Variants in VAT1L observed in about 807,000 individuals in gnomAD.
VAT1L encodes the protein putative NADPH-dependent quinone oxidoreductase VAT1L.
VAT1L carries 34 observed loss-of-function variants against 44.1 expected under a neutral mutation model. The observed-to-expected ratio is 0.77, with a 90% CI of 0.59 to 1.03. VAT1L has a LOEUF of 1.03. Ranked by LOEUF, VAT1L falls within the 50% of genes least tolerant of loss-of-function variation. The pLI is 0.00. For synonymous variants in VAT1L, 253 were observed against 202.2 expected (o/e 1.25, Z -2.13); for missense variants, 615 against 538.8 (o/e 1.14, Z -1.40).
chr16:77,935,292 G>C (rs1441389660), intron 7 of VAT1L, among the ~76,000 whole-genome samples: 3 of 152,154 alleles, frequency 2.0e-5, no homozygotes, highest in African/African-American at 7.2e-5. Context: ...ATGGAGTGCA[G>C]TTAAGAAATG....
At chr16:77,789,316 G>A (rs527564397) in intron 1 of VAT1L, among the ~76,000 whole-genome samples, 1 of 152,280 alleles carries the variant, frequency 6.6e-6, no homozygotes, top group Non-Finnish European at 1.5e-5. Flanking sequence ...GCCGTTGGTA[G>A]TTTTACACGT....
At chr16:77,867,322 TTAAA>T (rs2142446531) in intron 4 of VAT1L, among the ~76,000 whole-genome samples, 1 of 152,310 alleles carries the variant, frequency 6.6e-6, no homozygotes, top group African/African-American at 2.4e-5. Flanking sequence ...ATTGTACACT[TTAAA>T]TATGTACAGT....
At chr16:77,972,340 A>G (rs546705852) in intron 8 of VAT1L, among the ~76,000 whole-genome samples, 11 of 151,222 alleles carry the variant, frequency 7.3e-5, no homozygotes, top group African/African-American at 2.7e-4. Context: ...TTTCAGAGAG[A>G]GAGTCTTAAA....
At chr16:77,977,553 G>T in intron 8 of VAT1L, 44 bp from the exon 9 acceptor site, 2 of 1,593,702 alleles carry the variant, frequency 1.3e-6, no homozygotes, top group Non-Finnish European at 1.7e-6. Flanking sequence ...AGATGACGAG[G>T]CTGGGTTGCA....
At position 77,879,108 on chromosome 16, in the gene VAT1L, C is replaced by T; in HGVS notation, c.827-61C>T. ...CCAAACAATTGCCATTTTTTTCATG[C>T]ATAACAAGAGATGTCCATTTTCATT... On this transcript the variant is annotated intron_variant, in intron 5 of 8. Coordinates refer to ENST00000302536, the MANE Select transcript of VAT1L (RefSeq NM_020927.3). The surrounding 1 kb of genome is among the most constrained non-coding windows in gnomAD (Gnocchi z 4.1). 1.3e-6 allele frequency: 2 copies of T among 1,549,326 alleles called. No homozygotes were observed. Among genetic ancestry groups the T allele is most frequent in the Non-Finnish European group, 8.9e-7 (1 of 1,124,496 alleles).
chr16:77,832,508 G>A (rs1450587783), intron 3 of VAT1L, among the ~76,000 whole-genome samples: 5 of 152,150 alleles, frequency 3.3e-5, no homozygotes, highest in East Asian at 1.9e-4. Flanking sequence ...GATCTCTACC[G>A]GGCTCAGATG....
intron 1 of VAT1L, 32 bp downstream of exon 1, chr16:77,788,947 C>CT: frequency 6.9e-7 from 1 of 1,442,306 alleles, no homozygotes. Flanking sequence ...CGCTTTCTCT[C>CT]TTTTTGCGCG....
intron 7 of VAT1L, among the ~76,000 whole-genome samples, chr16:77,926,216 G>A (rs1227321639): frequency 6.9e-6 from 1 of 144,300 alleles, no homozygotes; most frequent in Admixed American, 7.2e-5. Flanking sequence ...TCGCACCACT[G>A]CACTCCAGTC....
At chr16:77,933,511 C>G (rs2017756048) in intron 7 of VAT1L, among the ~76,000 whole-genome samples, 2 of 151,898 alleles carry the variant, frequency 1.3e-5, no homozygotes, top group Admixed American at 6.6e-5. Flanking sequence ...AAATAACAAA[C>G]AAGAAAAATG....
intron 7 of VAT1L, among the ~76,000 whole-genome samples, chr16:77,944,383 G>A (rs1048399873): frequency 6.6e-6 from 1 of 152,142 alleles, no homozygotes; most frequent in Non-Finnish European, 1.5e-5. Flanking sequence ...CCCAGGCAGA[G>A]GTATAAAGAT....
intron 3 of VAT1L, among the ~76,000 whole-genome samples, chr16:77,853,151 C>G (rs1409451213): frequency 6.6e-6 from 1 of 152,192 alleles, no homozygotes; most frequent in Non-Finnish European, 1.5e-5. Flanking sequence ...AGAGCTGTGA[C>G]AGGCTAGGAA....
At chr16:77,854,858 G>C (rs1488093256) in intron 3 of VAT1L, among the ~76,000 whole-genome samples, 2 of 152,160 alleles carry the variant, frequency 1.3e-5, no homozygotes, top group Admixed American at 6.5e-5. Flanking sequence ...AGATGATCTT[G>C]AAAATGGTCA....
chr16:77,788,731 G>A lies in VAT1L; in HGVS notation c.49G>A (p.Glu17Lys), dbSNP rs1259091208. The change falls in exon 1 of 9, where the codon GAG (glutamate) becomes AAG (lysine). Residue 17 changes from glutamate to lysine, a missense_variant. Glu to Lys is a moderately conservative substitution (Grantham distance 56). Coordinates refer to ENST00000302536, the MANE Select transcript of VAT1L (RefSeq NM_020927.3). ...EKAEETEQMI[E>K]KEAGKEPAEG... ...GGCGGAGGAGACGGAGCAAATGATC[G>A]AGAAGGAGGCAGGCAAGGAGCCGGC... 6.4e-7 allele frequency: 1 copy of A among 1,558,838 alleles called. No individual in the cohort carries two copies. Among genetic ancestry groups the A allele is most frequent in the East Asian group, 2.4e-5 (1 of 42,366 alleles).
rs757487799 is a variant in VAT1L, at chr16:77,884,563, C to A, written c.883-45C>A. 3.8e-6 allele frequency: 6 copies of A among 1,580,318 alleles called. No individual in the cohort carries two copies. Among genetic ancestry groups the A allele is most frequent in the Non-Finnish European group, 5.2e-6 (6 of 1,161,178 alleles). On this transcript the variant is annotated intron_variant, in intron 6 of 8. Coordinates refer to ENST00000302536, the MANE Select transcript of VAT1L (RefSeq NM_020927.3). The surrounding 1 kb of genome is among the most constrained non-coding windows in gnomAD (Gnocchi z 4.5). ...AGCAATGCTGCCAATGTAGGCTTAA[C>A]CCCGGTATTGAGTTCCTATAACCCA...
chr16:77,879,565 C>A lies in VAT1L; in HGVS notation c.882+341C>A, dbSNP rs540410147. On this transcript the variant is annotated intron_variant, in intron 6 of 8. Transcript: ENST00000302536. The surrounding 1 kb of genome is among the most constrained non-coding windows in gnomAD (Gnocchi z 4.1). ...CCTCCCAAAGTGCTGGGATTACAGG[C>A]GTGAGCCACCGCACCCAGCTGTGAG... 6.6e-6 allele frequency among the ~76,000 whole-genome samples: 1 copy of A among 152,188 alleles called. No individual in the cohort carries two copies. The highest frequency in any genetic ancestry group is 1.5e-5 in the Non-Finnish European group (1 of 68,034).
At chr16:77,853,270 GC>G (rs752319257) in intron 3 of VAT1L, among the ~76,000 whole-genome samples, 1 of 152,158 alleles carries the variant, frequency 6.6e-6, no homozygotes, top group Non-Finnish European at 1.5e-5. Flanking sequence ...TGTTGGTCAT[GC>G]CCTGATCTAC....
intron 3 of VAT1L, among the ~76,000 whole-genome samples, chr16:77,851,599 G>A (rs749910820): frequency 1.3e-5 from 2 of 152,084 alleles, no homozygotes; most frequent in African/African-American, 2.4e-5. Context: ...TTTACTGCAA[G>A]CTATGATCAT....
Position 77,892,429 on chromosome 16 carries a change from C to T in VAT1L, c.1077+7627C>T, listed in dbSNP as rs554718750. ...GCAGACACTGCTGCTGCACCATGGT[C>T]AATCCCACTATGTTGGGGTTGACAG... On this transcript the variant is annotated intron_variant, in intron 7 of 8. Transcript: ENST00000302536. 62 of 467,418 alleles carry T rather than the reference C, an allele frequency of 1.3e-4. 1 individual carries two copies. The highest frequency in any genetic ancestry group is 2.6e-4 in the Non-Finnish European group (61 of 237,218). 29.0% of individuals were successfully genotyped at this position (467,418 alleles called of 1,614,324 possible).
chr16:77,804,461 G>T (rs778984556), intron 1 of VAT1L, among the ~76,000 whole-genome samples: 1 of 152,086 alleles, frequency 6.6e-6, no homozygotes, highest in Non-Finnish European at 1.5e-5. Context: ...TTCTGTGTTG[G>T]AAATACTACT....
Sources: allele counts gnomAD v4.1 joint callset (sites outside exome capture counted in the v4.1 genomes callset), GRCh38; gene constraint gnomAD v4.1.1; non-coding constraint Gnocchi (gnomAD v3.1); transcripts MANE v1.5; gene names NCBI Gene and HGNC (gene_info 2026-07-23, HGNC 2026-07-21).